The following CRLF3 variants were observed in gnomAD, a reference collection of about 807,000 sequenced individuals.
CRLF3 encodes cytokine receptor-like factor 3.
A neutral mutation model predicts 55.0 loss-of-function variants in CRLF3; 33 were observed. The observed-to-expected ratio is 0.60, with a 90% confidence interval of 0.46 to 0.80. CRLF3 has a LOEUF of 0.80. CRLF3 is among the 30% of genes least tolerant of loss of function. CRLF3 has a pLI of 0.00. For synonymous variants in CRLF3, 238 were observed against 196.8 expected (o/e 1.21, Z -1.75); for missense variants, 494 against 538.4 (o/e 0.92, Z 0.82).
At chr17:30,791,763 G>A (rs1032456391) in intron 6 of CRLF3, among the ~76,000 whole-genome samples, 6 of 151,292 alleles carry the variant, frequency 4.0e-5, no homozygotes, top group Admixed American at 2.0e-4. Context: ...TGATCCGCCC[G>A]CCTCAGCCTC....
At chr17:30,815,061 TTTTC>T (rs984197310) in intron 1 of CRLF3, among the ~76,000 whole-genome samples, 1 of 150,994 alleles carries the variant, frequency 6.6e-6, no homozygotes, top group Non-Finnish European at 1.5e-5. Context: ...ACACACATTT[TTTTC>T]TTTCTTTTTT....
At chr17:30,791,521 ATT>A (rs879662887) in intron 6 of CRLF3, among the ~76,000 whole-genome samples, 1 of 130,232 alleles carries the variant, frequency 7.7e-6, no homozygotes, top group African/African-American at 2.9e-5. Flanking sequence ...GGCCTCTAAA[ATT>A]TTTTTTTTTT....
intron 1 of CRLF3, among the ~76,000 whole-genome samples, chr17:30,815,541 C>CTTT (rs57194440): frequency 2.5e-4 from 29 of 116,374 alleles, no homozygotes; most frequent in Non-Finnish European, 4.0e-4. Flanking sequence ...CTAGTTTCTT[C>CTTT]TTTTTTTTTT....
At chr17:30,807,670 T>C (rs1904458307) in intron 1 of CRLF3, among the ~76,000 whole-genome samples, 1 of 151,860 alleles carries the variant, frequency 6.6e-6, no homozygotes, top group Non-Finnish European at 1.5e-5. Flanking sequence ...GTAGCTGAGA[T>C]TACAGGCGCA....
intron 5 of CRLF3, among the ~76,000 whole-genome samples, chr17:30,793,175 G>T (rs1205139248): frequency 6.6e-6 from 1 of 151,680 alleles, no homozygotes; most frequent in Non-Finnish European, 1.5e-5. Context: ...ATAAAAAAAA[G>T]AATAAAAAGG....
intron 1 of CRLF3, among the ~76,000 whole-genome samples, chr17:30,807,515 TCC>T (rs367972163): frequency 3.4e-4 from 46 of 133,822 alleles, no homozygotes; most frequent in African/African-American, 1.1e-3. Context: ...CAATTTTCTT[TCC>T]TTTTTTTTTT....
In CRLF3 at chr17:30,824,603, G is replaced by A. The variant is rs773072290; in HGVS notation, c.49C>T (p.Arg17Cys). ...LEPELLLQEA[R>C]ENVEAAQSYR... ...CTCTGCGCTGCCTCCACGTTCTCGCGGGCCTCCTGCAACAGCAGCTCAGGC... is the reference window on the plus strand; with the variant it reads ...CTCTGCGCTGCCTCCACGTTCTCGCAGGCCTCCTGCAACAGCAGCTCAGGC... The change falls in exon 1 of 8, where the codon CGC (arginine) becomes TGC (cysteine). Residue 17 changes from arginine (R) to cysteine (C), a missense_variant. Physicochemically the swap from Arg to Cys is radical, Grantham distance 180. Coordinates refer to ENST00000324238, the MANE Select transcript of CRLF3 (RefSeq NM_015986.4). 4 of 1,605,386 alleles carry A rather than the reference G, an allele frequency of 2.5e-6. No individual in the cohort carries two copies. Among genetic ancestry groups the A allele is most frequent in the South Asian group, 2.2e-5 (2 of 90,898 alleles).
intron 2 of CRLF3, 60 bp from the exon 3 acceptor site, chr17:30,797,458 A>G (rs1355235554): frequency 1.5e-6 from 2 of 1,359,736 alleles, no homozygotes; most frequent in Non-Finnish European, 2.1e-6. Flanking sequence ...AGTAATCAAC[A>G]CAACTCATGT....
In CRLF3 at chr17:30,792,638, G is replaced by GT. The variant is rs1971830327; in HGVS notation, c.827-67dup. On this transcript the variant is annotated intron_variant, in intron 5 of 7. Coordinates refer to ENST00000324238, the MANE Select transcript of CRLF3 (RefSeq NM_015986.4). ...TGAGGGATATCTTCAATACAGACAC[G>GT]TTAAATAAAACATGGAAATGGGAGA... is the stretch of plus-strand genomic sequence containing the variant. 34 of 1,428,170 alleles carry GT rather than the reference G, an allele frequency of 2.4e-5. 2 individuals carry two copies. In the South Asian group the frequency reaches 4.6e-4, roughly 19 times the overall value. 88.5% of individuals were successfully genotyped at this position (1,428,170 alleles called of 1,614,324 possible).
At chr17:30,786,988 C>T (rs1250949482) in intron 6 of CRLF3, among the ~76,000 whole-genome samples, 2 of 152,196 alleles carry the variant, frequency 1.3e-5, no homozygotes, top group Non-Finnish European at 2.9e-5. Context: ...GCGTGAGCCA[C>T]CACACCTGGC....
At chr17:30,824,446 C>G in intron 1 of CRLF3, 77 bp downstream of exon 1, 3 of 1,453,026 alleles carry the variant, frequency 2.1e-6, no homozygotes, top group Non-Finnish European at 2.8e-6. Flanking sequence ...TCCCACCCCT[C>G]AAAGCCCTCC....
chr17:30,795,667 G>A (rs945769886), intron 4 of CRLF3, among the ~76,000 whole-genome samples: 8 of 151,890 alleles, frequency 5.3e-5, no homozygotes, highest in Admixed American at 2.0e-4. Context: ...CAGGCACGGC[G>A]GCTCACACCT....
intron 1 of CRLF3, among the ~76,000 whole-genome samples, chr17:30,820,647 A>G (rs550630751): frequency 6.6e-6 from 1 of 151,898 alleles, no homozygotes; most frequent in South Asian, 2.1e-4. Flanking sequence ...CAAAAAGTAG[A>G]TGGGCATGGT....
chr17:30,808,277 ATTTTTTTTTT>A (rs71138901), intron 1 of CRLF3, among the ~76,000 whole-genome samples: 17 of 54,866 alleles, frequency 3.1e-4, no homozygotes, highest in Non-Finnish European at 1.1e-4. Context: ...TAGAACCTAT[ATTTTTTTTTT>A]TTTTTTTTTT....
intron 2 of CRLF3, among the ~76,000 whole-genome samples, chr17:30,801,953 A>G (rs988815838): frequency 1.3e-5 from 2 of 151,618 alleles, no homozygotes; most frequent in Non-Finnish European, 2.9e-5. Context: ...TGTCTGCTGG[A>G]TGAATTGCTT....
chr17:30,790,155 G>C (rs548332485), intron 6 of CRLF3, among the ~76,000 whole-genome samples: 32 of 152,178 alleles, frequency 2.1e-4, no homozygotes, highest in African/African-American at 7.7e-4. Flanking sequence ...AGCAACACTG[G>C]CTTAGATAAA....
intron 2 of CRLF3, among the ~76,000 whole-genome samples, chr17:30,803,008 T>C (rs1316926827): frequency 6.6e-6 from 1 of 151,214 alleles, no homozygotes; most frequent in African/African-American, 2.4e-5. Flanking sequence ...CTACTAAAAA[T>C]ACTAAAAAAT....
At chr17:30,798,480 C>T (rs1357665805) in intron 2 of CRLF3, among the ~76,000 whole-genome samples, 1 of 152,148 alleles carries the variant, frequency 6.6e-6, no homozygotes, top group Admixed American at 6.6e-5. Context: ...TCTTTTCCAT[C>T]TAAATGTGCC....
intron 6 of CRLF3, among the ~76,000 whole-genome samples, chr17:30,789,231 AAG>A (rs1255122031): frequency 6.6e-6 from 1 of 152,242 alleles, no homozygotes; most frequent in East Asian, 1.9e-4. Flanking sequence ...TAGGAGATGC[AAG>A]AGAGACTCAA....
Sources: gnomAD v4.1 joint callset for allele counts (sites outside exome capture counted in the v4.1 genomes callset) on GRCh38, gnomAD v4.1.1 for gene constraint, MANE v1.5 for transcripts, NCBI Gene and HGNC (gene_info 2026-07-23, HGNC 2026-07-21) for gene names.